The following FAM193A variants were observed in gnomAD, a reference collection of about 807,000 sequenced individuals.
FAM193A encodes the protein family with sequence similarity 193 member A.
Under a neutral mutation model 126.5 loss-of-function variants are expected in FAM193A, and 22 were observed. The ratio of observed to expected loss-of-function variants is 0.17; its 90% CI spans 0.12 to 0.25. FAM193A has a LOEUF of 0.25. Ranked by LOEUF, FAM193A falls within the 10% of genes least tolerant of loss-of-function variation. FAM193A has a pLI of 1.00. For synonymous variants in FAM193A, 761 were observed against 646.8 expected, an observed-to-expected ratio of 1.18 and a Z score of -2.68; for missense variants, 1,675 against 1,672.8, an observed-to-expected ratio of 1.00 and a Z score of -0.02.
At position 2,568,878 on chromosome 4, in the gene FAM193A, A is replaced by G. The variant is rs566191488; in HGVS notation, c.256-27206A>G. On this transcript the variant is annotated intron_variant, in intron 1 of 20. Coordinates refer to ENST00000637812, the MANE Select transcript of FAM193A (RefSeq NM_001366318.2). ...TCTTTTCCTTTTCCTTTGGCATGGA[A>G]CCTCAGAAGGTACAGGATAAAGACT... Among the ~76,000 whole-genome samples, 7 of 147,998 alleles carry G rather than the reference A, an allele frequency of 4.7e-5. 1 individual carries two copies. Among genetic ancestry groups the G allele is most frequent in the Admixed American group, 3.4e-4 (5 of 14,840 alleles).
At chr4:2,649,361 T>TGA (rs1482469775) in intron 7 of FAM193A, among the ~76,000 whole-genome samples, 2 of 133,106 alleles carry the variant, frequency 1.5e-5, no homozygotes, top group East Asian at 4.3e-4. Context: ...GGTGACAGAG[T>TGA]GAGACCCTGT....
At chr4:2,648,860 G>A (rs187181043) in intron 7 of FAM193A, among the ~76,000 whole-genome samples, 65 of 152,310 alleles carry the variant, frequency 4.3e-4, no homozygotes, top group African/African-American at 1.1e-3. Context: ...GGCTGTGGCC[G>A]TGCAGGAGGG....
intron 5 of FAM193A, among the ~76,000 whole-genome samples, chr4:2,633,321 C>A (rs1308212435): frequency 1.3e-5 from 2 of 152,034 alleles, no homozygotes; most frequent in East Asian, 3.9e-4. Context: ...ATCACTTGAA[C>A]CCGGGAGGCA....
chr4:2,539,930 A>G (rs1408598413), intron 1 of FAM193A, among the ~76,000 whole-genome samples: 1 of 151,004 alleles, frequency 6.6e-6, no homozygotes, highest in Non-Finnish European at 1.5e-5. Flanking sequence ...ATGAAACCCC[A>G]GAGATGGTGA....
intron 19 of FAM193A, among the ~76,000 whole-genome samples, chr4:2,714,483 C>T (rs1367006138): frequency 1.3e-5 from 2 of 152,140 alleles, no homozygotes; most frequent in Non-Finnish European, 2.9e-5. Context: ...TTTCCCTGAA[C>T]ACACCCAGCC....
intron 19 of FAM193A, among the ~76,000 whole-genome samples, chr4:2,702,579 A>G (rs933475432): frequency 6.6e-6 from 1 of 152,138 alleles, no homozygotes; most frequent in Non-Finnish European, 1.5e-5. Context: ...ACTAATTGCT[A>G]TGTACAAGCC....
At chr4:2,716,770 G>C (rs1457271451) in intron 20 of FAM193A, among the ~76,000 whole-genome samples, 1 of 151,338 alleles carries the variant, frequency 6.6e-6, no homozygotes, top group Admixed American at 6.6e-5. Flanking sequence ...TCTGCCTCCC[G>C]GGTTCAAGCA....
intron 18 of FAM193A, among the ~76,000 whole-genome samples, chr4:2,699,463 A>C (rs1216315174): frequency 3.7e-5 from 5 of 133,588 alleles, no homozygotes; most frequent in African/African-American, 5.4e-5. Context: ...CACACACACA[A>C]ATAAGTAAGC....
intron 13 of FAM193A, among the ~76,000 whole-genome samples, chr4:2,685,547 C>G (rs578178278): frequency 2.6e-5 from 4 of 152,308 alleles, no homozygotes; most frequent in East Asian, 3.9e-4. Flanking sequence ...AAAGATGGTC[C>G]TTCGCCTCTT....
chr4:2,535,823 G>A (rs1736843834), upstream of FAM193A, among the ~76,000 whole-genome samples: 1 of 152,172 alleles, frequency 6.6e-6, no homozygotes, highest in African/African-American at 2.4e-5. Context: ...GCAGGGAGAG[G>A]GCGGGCTCGG....
At chr4:2,710,827 G>A (rs911849205) in intron 19 of FAM193A, among the ~76,000 whole-genome samples, 6 of 144,382 alleles carry the variant, frequency 4.2e-5, no homozygotes, top group East Asian at 2.1e-4. Flanking sequence ...TTCTGCTTTC[G>A]TCTTTATTTT....
At chr4:2,638,670 G>A (rs1290386441) in intron 5 of FAM193A, among the ~76,000 whole-genome samples, 1 of 152,240 alleles carries the variant, frequency 6.6e-6, no homozygotes, top group Non-Finnish European at 1.5e-5. Context: ...TGGTCTAGCA[G>A]TATCACTGGT....
rs577513637 is a variant in FAM193A at position 2,566,274 on chromosome 4, T to C, written c.255+29104T>C. Among the ~76,000 whole-genome samples the C allele has an allele frequency of 2.0e-3, 312 of 152,218 alleles. 1 individual carries two copies. Among genetic ancestry groups the C allele is most frequent in the African/African-American group, 3.7e-3 (153 of 41,562 alleles). ...GTGTTAGCCAGCATGGTCTCGATCT[T>C]CTGACCTCGTGATCTGCCCACCTTG... On this transcript the variant is annotated intron_variant, in intron 1 of 20. Transcript: ENST00000637812.
intron 16 of FAM193A, 135 bp downstream of exon 16, chr4:2,694,009 G>A (rs1716741748): frequency 1.1e-6 from 1 of 935,152 alleles, no homozygotes; most frequent in South Asian, 1.7e-5. Flanking sequence ...ATGCAGGGAT[G>A]TCCCCAGCAG....
In FAM193A at chr4:2,684,162, C is replaced by G. The variant is rs144920529; in HGVS notation, c.2332-5344C>G. On this transcript the variant is annotated intron_variant, in intron 13 of 20. Transcript: ENST00000637812. ...CATGTTCCTGCAACCATTCAGTTGT[C>G]TCTCTCAGCCTCTGGTGAGATTGTT... Among the ~76,000 whole-genome samples the G allele has an allele frequency of 6.1e-3, 925 of 152,314 alleles. 13 individuals carry two copies. Among genetic ancestry groups the G allele is most frequent in the African/African-American group, 0.022 (896 of 41,560 alleles).
Position 2,659,638 on chromosome 4 carries a change from G to T in FAM193A, c.1470G>T (p.Met490Ile). Residue 490 changes from methionine to isoleucine, a missense_variant, in exon 9 of 21, where the codon ATG (methionine) becomes ATT (isoleucine). This residue lies in a region of FAM193A where 1,186 missense variants were observed against 1,109.2 expected (regional missense o/e 1.07). Transcript: ENST00000637812. ...MRHMLSSRLS[M>I]PDCPNCNYRR... ...ACATGTTATCGTCCCGGCTGAGCAT[G>T]CCCGACTGCCCCAACTGCAACTACA... 1 of 1,614,142 alleles carries T rather than the reference G, an allele frequency of 6.2e-7. No individual in the cohort carries two copies. The highest frequency in any genetic ancestry group is 8.5e-7 in the Non-Finnish European group (1 of 1,180,012).
intron 16 of FAM193A, among the ~76,000 whole-genome samples, chr4:2,694,232 C>T (rs1358731664): frequency 1.3e-5 from 2 of 152,070 alleles, no homozygotes; most frequent in Non-Finnish European, 2.9e-5. Flanking sequence ...ATAGTAAAAA[C>T]ACAATACAAC....
At chr4:2,689,389 C>T in intron 13 of FAM193A, 117 bp from the exon 14 acceptor site, 1 of 700,390 alleles carries the variant, frequency 1.4e-6, no homozygotes, top group Non-Finnish European at 2.3e-6. Flanking sequence ...CTGAGCTCAG[C>T]TCATGGCGAG....
At chr4:2,638,702 A>G (rs970433666) in intron 5 of FAM193A, among the ~76,000 whole-genome samples, 3 of 152,012 alleles carry the variant, frequency 2.0e-5, no homozygotes, top group Admixed American at 6.5e-5. Flanking sequence ...AAATGTGTTT[A>G]TAGGTGTTTA....
Sources: gnomAD v4.1 joint callset for allele counts (sites outside exome capture counted in the v4.1 genomes callset) on GRCh38, gnomAD v4.1.1 for gene constraint, gnomAD v4.1.1 regional missense constraint, MANE v1.5 for transcripts, NCBI Gene and HGNC (gene_info 2026-07-23, HGNC 2026-07-21) for gene names.